BTAF1: variants seen among roughly 807,000 people sequenced by gnomAD.
BTAF1 encodes B-TFIID TATA-box binding protein associated factor 1.
BTAF1 carries 38 observed loss-of-function variants against 227.1 expected under a neutral mutation model. The ratio of observed to expected loss-of-function variants is 0.17; its 90% CI spans 0.13 to 0.22. The LOEUF is 0.22. BTAF1 is among the 10% of genes least tolerant of loss of function. BTAF1 has a pLI of 1.00. For synonymous variants in BTAF1, 742 were observed against 751.9 expected (o/e 0.99, Z 0.21); for missense variants, 1,598 against 2,204.0 (o/e 0.73, Z 5.51).
intron 25 of BTAF1, among the ~76,000 whole-genome samples, chr10:92,002,010 A>ACG (rs1849581376): frequency 3.9e-5 from 3 of 76,320 alleles, no homozygotes; most frequent in Admixed American, 1.7e-4. Flanking sequence ...ACACACACAC[A>ACG]CACACTCCAT....
At chr10:92,027,397 T>G in intron 37 of BTAF1, 97 bp downstream of exon 37, 1 of 1,171,040 alleles carries the variant, frequency 8.5e-7, no homozygotes, top group East Asian at 2.4e-5. Context: ...GCGTTTACTT[T>G]AGTATCCATG....
At position 91,997,659 on chromosome 10, in the gene BTAF1, C is replaced by G; in HGVS notation, c.3568C>G (p.Pro1190Ala). ...IVPYIVLLVV[P>A]VLGRMSDQTD... ...TCCATATATTGTCCTTTTAGTTGTT[C>G]CTGTATTAGGAAGAATGAGTGATCA... Residue 1190 changes from proline to alanine, a missense_variant, in exon 25 of 38, where the codon CCT becomes GCT. This residue lies in a region of BTAF1 where 425 missense variants were observed against 491.2 expected (regional missense o/e 0.87). Transcript: ENST00000265990. 6.2e-7 allele frequency: 1 copy of G among 1,613,766 alleles called. No individual in the cohort carries two copies. Among genetic ancestry groups the G allele is most frequent in the African/African-American group, 1.3e-5 (1 of 75,010 alleles).
Position 92,001,245 on chromosome 10 carries a change from A to G in BTAF1, c.3660+3494A>G, listed in dbSNP as rs1849506562. Among the ~76,000 whole-genome samples the G allele has an allele frequency of 2.0e-5, 3 of 152,324 alleles. No homozygotes were observed. In the South Asian group the frequency reaches 6.2e-4, roughly 32 times the overall value. ...AGAATTAGCAAAACAGAGTACCTGA[A>G]GGTAGGTACTGCACAGACAGGAGGT... On this transcript the variant is annotated intron_variant, in intron 25 of 37. Transcript: ENST00000265990.
intron 5 of BTAF1, 122 bp downstream of exon 5, chr10:91,951,688 C>T (rs1845771341): frequency 9.6e-7 from 1 of 1,037,060 alleles, no homozygotes; most frequent in Non-Finnish European, 1.3e-6. Context: ...TGCTTAGTGC[C>T]ACCATAATTT....
chr10:92,008,329 GGGTTTGTT>G, intron 26 of BTAF1, 54 bp downstream of exon 26: 1 of 1,432,766 alleles, frequency 7.0e-7, no homozygotes, highest in Non-Finnish European at 9.2e-7. Flanking sequence ...GAAGCGTTGT[GGGTTTGTT>G]GGGGGGGGCT....
chr10:91,973,520 A>G (rs1847459192), intron 14 of BTAF1, among the ~76,000 whole-genome samples: 1 of 152,116 alleles, frequency 6.6e-6, no homozygotes, highest in Admixed American at 6.5e-5. Flanking sequence ...TTGAGGGCTT[A>G]CTTTATGCTA....
rs576168647 is a variant in BTAF1 at position 91,930,816 on chromosome 10, C to T, written c.15-4841C>T. 1.6e-4 allele frequency among the ~76,000 whole-genome samples: 24 copies of T among 152,096 alleles called. No homozygotes were observed. In the South Asian group the frequency reaches 5.0e-3, roughly 32 times the overall value. The stretch of plus-strand genomic sequence containing the variant: ...ATTTAAAATTTTACTGTACTTTTGC[C>T]ACGTGTAAAAAATGTATAACTAAAT... On this transcript the variant is annotated intron_variant, in intron 1 of 37. Coordinates refer to ENST00000265990, the MANE Select transcript of BTAF1 (RefSeq NM_003972.3).
rs1851857184 is a variant in BTAF1 at position 92,030,954 on chromosome 10, T to C, written c.*2021T>C. 1.3e-5 allele frequency among the ~76,000 whole-genome samples: 2 copies of C among 152,190 alleles called. No homozygotes were observed. Among genetic ancestry groups the C allele is most frequent in the Admixed American group, 1.3e-4 (2 of 15,280 alleles). ...AAGAATAATGAAGAGATGTGGAGAA[T>C]TGAACTGAGTAATGAATGATATTAA... is the stretch of plus-strand genomic sequence containing the variant. On this transcript the variant is annotated 3_prime_UTR_variant, in exon 38 of 38. Transcript: ENST00000265990.
rs139498021 is a variant in BTAF1, at chr10:91,998,687, A to G, written c.3660+936A>G. 5.3e-3 allele frequency among the ~76,000 whole-genome samples: 813 copies of G among 152,244 alleles called. 6 individuals carry two copies. The highest frequency in any genetic ancestry group is 0.018 in the African/African-American group (735 of 41,542). On this transcript the variant is annotated intron_variant, in intron 25 of 37. Coordinates refer to ENST00000265990, the MANE Select transcript of BTAF1 (RefSeq NM_003972.3). ...TTATTGCTGAATTGTATTCCATTGT[A>G]TGGACATACTGCATTTTGTTTATCC...
intron 1 of BTAF1, among the ~76,000 whole-genome samples, chr10:91,927,980 CTTTTT>C (rs60105160): frequency 4.9e-5 from 6 of 121,568 alleles, no homozygotes; most frequent in Admixed American, 8.2e-5. Context: ...TGCCTTTTTT[CTTTTT>C]TTTTTTTTTT....
intron 13 of BTAF1, 31 bp from the exon 14 acceptor site, chr10:91,966,606 A>G (rs375490379): frequency 6.2e-7 from 1 of 1,607,076 alleles, no homozygotes; most frequent in African/African-American, 1.3e-5. Flanking sequence ...AACTTAGAAT[A>G]AGTAAGATTA....
chr10:92,001,251 G>A (rs1205625563), intron 25 of BTAF1, among the ~76,000 whole-genome samples: 3 of 152,196 alleles, frequency 2.0e-5, no homozygotes, highest in Non-Finnish European at 4.4e-5. Flanking sequence ...CTGAAGGTAG[G>A]TACTGCACAG....
At chr10:91,960,988 C>T (rs1327726956) in intron 11 of BTAF1, among the ~76,000 whole-genome samples, 1 of 152,128 alleles carries the variant, frequency 6.6e-6, no homozygotes, top group Admixed American at 6.6e-5. Flanking sequence ...TCTATATATA[C>T]ACATAATATT....
At chr10:91,980,648 T>A in intron 15 of BTAF1, 90 bp downstream of exon 15, 2 of 966,744 alleles carry the variant, frequency 2.1e-6, no homozygotes, top group South Asian at 1.4e-5. Context: ...TGGTCATTCA[T>A]ATCTCATGGA....
intron 6 of BTAF1, among the ~76,000 whole-genome samples, chr10:91,956,098 T>C (rs568886027): frequency 1.3e-3 from 194 of 152,210 alleles, no homozygotes; most frequent in Non-Finnish European, 1.8e-3. Context: ...TATCTCCATA[T>C]TTTTCAAGAA....
intron 20 of BTAF1, among the ~76,000 whole-genome samples, chr10:91,991,756 GA>G (rs1232493362): frequency 5.8e-5 from 8 of 136,794 alleles, no homozygotes; most frequent in East Asian, 4.3e-4. Flanking sequence ...CCCTGTCTCA[GA>G]AAAAAAAAAT....
chr10:91,925,347 A>G (rs941403132), intron 1 of BTAF1, among the ~76,000 whole-genome samples: 1 of 152,182 alleles, frequency 6.6e-6, no homozygotes, highest in Non-Finnish European at 1.5e-5. Flanking sequence ...TACATTGTAA[A>G]TGCATTGATA....
In BTAF1 at chr10:91,940,153, A is replaced by AT. The variant is rs563927774; in HGVS notation, c.253+91dup. 161 of 801,618 alleles carry AT rather than the reference A, an allele frequency of 2.0e-4. No homozygotes were observed. The African/African-American group carries it at 2.4e-3, about 12-fold the overall frequency. 49.7% of individuals were successfully genotyped at this position (801,618 alleles called of 1,614,324 possible). On this transcript the variant is annotated intron_variant, in intron 3 of 37. Coordinates refer to ENST00000265990, the MANE Select transcript of BTAF1 (RefSeq NM_003972.3). Reference sequence around the variant, plus strand: ...TGCGTTTTGTATTTTAATAATTTCAATTTTAAAGTCTTAATTTCCATGCTT... The same window carrying AT: ...TGCGTTTTGTATTTTAATAATTTCAATTTTTAAAGTCTTAATTTCCATGCTT...
At chr10:92,022,323 G>A (rs1851198348) in intron 34 of BTAF1, among the ~76,000 whole-genome samples, 1 of 152,138 alleles carries the variant, frequency 6.6e-6, no homozygotes. Context: ...GCTGCCTATG[G>A]AACTGAGATA....
Sources: allele counts gnomAD v4.1 joint callset (sites outside exome capture counted in the v4.1 genomes callset), GRCh38; gene constraint gnomAD v4.1.1; regional missense constraint gnomAD v4.1.1; transcripts MANE v1.5; gene names NCBI Gene and HGNC (gene_info 2026-07-23, HGNC 2026-07-21).